The following EHMT1 variants were observed in gnomAD, a reference collection of about 807,000 sequenced individuals.
The protein encoded by EHMT1 is histone-lysine N-methyltransferase EHMT1.
Under a neutral mutation model 147.2 loss-of-function variants are expected in EHMT1, and 15 were observed. The ratio of observed to expected loss-of-function variants is 0.10; its 90% CI spans 0.07 to 0.16. The LOEUF (loss-of-function observed/expected upper bound fraction) is 0.16. Ranked by LOEUF, EHMT1 falls within the 10% of genes least tolerant of loss-of-function variation. The pLI, the probability that EHMT1 is intolerant of heterozygous loss-of-function variation, is 1.00. For synonymous variants in EHMT1, 795 were observed against 709.6 expected, an observed-to-expected ratio of 1.12 and a Z score of -1.91; for missense variants, 1,587 against 1,772.4, an observed-to-expected ratio of 0.90 and a Z score of 1.88.
chr9:137,698,426 G>A (rs964110457), intron 1 of EHMT1, among the ~76,000 whole-genome samples: 4 of 152,236 alleles, frequency 2.6e-5, no homozygotes, highest in Non-Finnish European at 4.4e-5. Context: ...AGGATCAGGT[G>A]TCATCTCTTT....
chr9:137,643,295 A>G (rs1486235814), intron 1 of EHMT1, among the ~76,000 whole-genome samples: 1 of 145,452 alleles, frequency 6.9e-6, no homozygotes, highest in East Asian at 2.0e-4. Flanking sequence ...TTATCTTGGA[A>G]TGTTTTATTT....
Position 137,726,072 on chromosome 9 carries a change from A to C in EHMT1, c.643-2277A>C, listed in dbSNP as rs548119662. Among the ~76,000 whole-genome samples, 81 of 149,360 alleles carry C rather than the reference A, an allele frequency of 5.4e-4. 2 individuals are homozygous for C. Among genetic ancestry groups the C allele is most frequent in the Middle Eastern group, 6.8e-3 (2 of 294 alleles). ...TTCTCCCTGGCCTTGACTATAGTTG[A>C]TGCAGGTGCCTTGTCGTGTGTGTGT... On this transcript the variant is annotated intron_variant, in intron 3 of 26. Coordinates refer to ENST00000460843, the MANE Select transcript of EHMT1 (RefSeq NM_024757.5).
chr9:137,809,952 C>T (rs56009763), intron 18 of EHMT1, among the ~76,000 whole-genome samples: 3 of 119,642 alleles, frequency 2.5e-5, no homozygotes, highest in African/African-American at 1.1e-4. Flanking sequence ...GTTCCGATGC[C>T]GCCCTGTGTG....
intron 2 of EHMT1, among the ~76,000 whole-genome samples, chr9:137,714,533 C>T (rs1350322726): frequency 2.1e-5 from 3 of 143,082 alleles, no homozygotes; most frequent in Non-Finnish European, 3.0e-5. Flanking sequence ...TTGGGGGGTG[C>T]GGAGCTGGAT....
chr9:137,735,610 A>G (rs868799345), intron 4 of EHMT1, among the ~76,000 whole-genome samples: 19 of 152,358 alleles, frequency 1.2e-4, no homozygotes, highest in African/African-American at 3.4e-4. Flanking sequence ...TGGCAGTGCT[A>G]TGGTTTGGAT....
Position 137,835,003 on chromosome 9 carries a change from CGATTAGAGGACGAGGAGGAGA to C in EHMT1, c.*55_*75del. On this transcript the variant is annotated 3_prime_UTR_variant, in exon 27 of 27. Transcript: ENST00000460843. ...CGGGAGCCAGGGACCGCCGCGTCGC[CGATTAGAGGACGAGGAGGAGA>C]GATTCCGCACGCAACCGAAAGGGTC... is the stretch of plus-strand genomic sequence containing the variant. 2 of 1,362,588 alleles carry C rather than the reference CGATTAGAGGACGAGGAGGAGA, an allele frequency of 1.5e-6. No individual in the cohort carries two copies. The highest frequency in any genetic ancestry group is 3.4e-5 in the South Asian group (2 of 58,748). 84.4% of individuals were successfully genotyped at this position (1,362,588 alleles called of 1,614,324 possible).
chr9:137,779,565 C>G, intron 13 of EHMT1, 70 bp from the exon 14 acceptor site: 1 of 1,550,142 alleles, frequency 6.5e-7, no homozygotes. Context: ...GTCCGCCGGG[C>G]CTTCCAGCCT....
At chr9:137,752,728 T>C (rs1227368598) in intron 7 of EHMT1, among the ~76,000 whole-genome samples, 1 of 152,022 alleles carries the variant, frequency 6.6e-6, no homozygotes, top group Non-Finnish European at 1.5e-5. Context: ...GACACCTGTT[T>C]GGGATTCCGC....
intron 1 of EHMT1, among the ~76,000 whole-genome samples, chr9:137,685,774 C>T (rs989079753): frequency 2.0e-5 from 3 of 152,150 alleles, no homozygotes; most frequent in Non-Finnish European, 4.4e-5. Flanking sequence ...GTGGGAGCAA[C>T]GTGGTATGTC....
chr9:137,676,225 G>A (rs904391330), intron 1 of EHMT1: 1 of 145,826 alleles, frequency 6.9e-6, no homozygotes, highest in South Asian at 2.2e-4. Context: ...CGGCCATTAC[G>A]CCTGACTAAT....
At chr9:137,751,901 T>C (rs1213041083) in intron 6 of EHMT1, among the ~76,000 whole-genome samples, 4 of 152,242 alleles carry the variant, frequency 2.6e-5, no homozygotes, top group East Asian at 1.9e-4. Flanking sequence ...TCTCACACTG[T>C]GTATTGTTTT....
intron 1 of EHMT1, among the ~76,000 whole-genome samples, chr9:137,668,261 C>T (rs1939913249): frequency 6.6e-6 from 1 of 151,794 alleles, no homozygotes; most frequent in African/African-American, 2.4e-5. Flanking sequence ...AAAATCCTTG[C>T]TTCCTTCTCC....
At chr9:137,733,271 TAC>T (rs961961186) in intron 4 of EHMT1, among the ~76,000 whole-genome samples, 1 of 152,260 alleles carries the variant, frequency 6.6e-6, no homozygotes, top group African/African-American at 2.4e-5. Context: ...TCCTTCTTTT[TAC>T]AGAGTGGACT....
intron 1 of EHMT1, among the ~76,000 whole-genome samples, chr9:137,668,104 T>C (rs1939887610): frequency 6.6e-6 from 1 of 152,028 alleles, no homozygotes; most frequent in Non-Finnish European, 1.5e-5. Context: ...GCAGGACCAG[T>C]GGGGAGGCAG....
At chr9:137,804,208 A>G (rs946987328) in intron 18 of EHMT1, among the ~76,000 whole-genome samples, 8 of 152,196 alleles carry the variant, frequency 5.3e-5, no homozygotes, top group African/African-American at 1.9e-4. Context: ...ACAATTCAAG[A>G]CAAGATTTGG....
intron 1 of EHMT1, among the ~76,000 whole-genome samples, chr9:137,627,236 G>T (rs1414672108): frequency 1.3e-5 from 2 of 150,336 alleles, no homozygotes; most frequent in Non-Finnish European, 3.0e-5. Context: ...AGGATTGTAG[G>T]CATGAACCAC....
At chr9:137,673,612 A>G (rs1378417779) in intron 1 of EHMT1, among the ~76,000 whole-genome samples, 1 of 152,072 alleles carries the variant, frequency 6.6e-6, no homozygotes, top group African/African-American at 2.4e-5. Flanking sequence ...CCTGTGCTTT[A>G]CACCAGACAA....
At chr9:137,638,801 C>T (rs1481319055) in intron 1 of EHMT1, among the ~76,000 whole-genome samples, 1 of 152,004 alleles carries the variant, frequency 6.6e-6, no homozygotes, top group South Asian at 2.1e-4. Flanking sequence ...AGCATGCGGA[C>T]ACACAGGGAG....
chr9:137,721,171 ACT>A (rs1945937684), intron 3 of EHMT1, among the ~76,000 whole-genome samples: 2 of 118,546 alleles, frequency 1.7e-5, no homozygotes, highest in African/African-American at 6.5e-5. Flanking sequence ...GACTTCTCAC[ACT>A]CACCCCCTCC....
Sources: gnomAD v4.1 joint callset for allele counts (sites outside exome capture counted in the v4.1 genomes callset) on GRCh38, gnomAD v4.1.1 for gene constraint, MANE v1.5 for transcripts, NCBI Gene and HGNC (gene_info 2026-07-23, HGNC 2026-07-21) for gene names.